SHISA9: variants seen among roughly 807,000 people sequenced by gnomAD.
SHISA9 encodes protein shisa-9.
Under a neutral mutation model 38.0 loss-of-function variants are expected in SHISA9, and 13 were observed. The ratio of observed to expected loss-of-function variants is 0.34; its 90% CI spans 0.22 to 0.54. The LOEUF (loss-of-function observed/expected upper bound fraction) is 0.54. Ranked by LOEUF, SHISA9 falls within the 20% of genes least tolerant of loss-of-function variation. The pLI, the probability that SHISA9 is intolerant of heterozygous loss-of-function variation, is 0.91. For synonymous variants in SHISA9, 275 were observed against 242.0 expected (o/e 1.14, Z -1.27); for missense variants, 538 against 575.8 (o/e 0.93, Z 0.67).
chr16:12,970,416 TACAC>T (rs59203908), intron 2 of SHISA9, among the ~76,000 whole-genome samples: 31 of 38,910 alleles, frequency 8.0e-4, no homozygotes, highest in Admixed American at 1.5e-3. Flanking sequence ...TATATATATA[TACAC>T]ATATATGTAT....
chr16:13,334,074 G>A, the SHISA9 span, among the ~76,000 whole-genome samples: 56 of 152,300 alleles, frequency 3.7e-4, no homozygotes, highest in Non-Finnish European at 6.2e-4. Flanking sequence ...TGAGAAAACT[G>A]AGGTTTGGTG....
intron 2 of SHISA9, among the ~76,000 whole-genome samples, chr16:12,946,164 T>C (rs1045689244): frequency 3.9e-5 from 6 of 152,206 alleles, no homozygotes; most frequent in African/African-American, 1.4e-4. Context: ...TGTGTGGTGT[T>C]ATTTCTGAGG....
chr16:13,492,811 T>C, the SHISA9 span, among the ~76,000 whole-genome samples: 3 of 152,208 alleles, frequency 2.0e-5, no homozygotes, highest in African/African-American at 7.2e-5. Flanking sequence ...TAAGCTGAGA[T>C]TTGAATGACA....
At chr16:13,212,889 G>A (rs1236942284) in intron 3 of SHISA9, among the ~76,000 whole-genome samples, 2 of 152,196 alleles carry the variant, frequency 1.3e-5, no homozygotes, top group Non-Finnish European at 2.9e-5. Flanking sequence ...TTGAGCCAAG[G>A]TGAGCTCATA....
intron 4 of SHISA9, among the ~76,000 whole-genome samples, chr16:13,215,722 T>C (rs1388374226): frequency 6.6e-6 from 1 of 151,942 alleles, no homozygotes; most frequent in Non-Finnish European, 1.5e-5. Context: ...TATCCTGCCT[T>C]GTCGGGGGAG....
intron 2 of SHISA9, among the ~76,000 whole-genome samples, chr16:13,160,333 A>G (rs544103622): frequency 2.0e-5 from 3 of 152,210 alleles, no homozygotes; most frequent in Non-Finnish European, 4.4e-5. Context: ...CAGATTTCCT[A>G]TAAGTCAGAC....
chr16:12,915,553 G>C (rs1205260042), intron 1 of SHISA9, among the ~76,000 whole-genome samples: 1 of 152,224 alleles, frequency 6.6e-6, no homozygotes, highest in Non-Finnish European at 1.5e-5. Flanking sequence ...ATAGTCTGCT[G>C]GTTTGCAATG....
chr16:13,144,071 GTATGGA>G (rs2050425850), intron 2 of SHISA9, among the ~76,000 whole-genome samples: 1 of 151,812 alleles, frequency 6.6e-6, no homozygotes, highest in Admixed American at 6.6e-5. Context: ...CTCATTGAAG[GTATGGA>G]TGATCAAGAA....
chr16:12,960,142 C>G (rs965556513), intron 2 of SHISA9, among the ~76,000 whole-genome samples: 1 of 152,180 alleles, frequency 6.6e-6, no homozygotes, highest in Non-Finnish European at 1.5e-5. Flanking sequence ...CAGCCTTGAA[C>G]CCTGGTTACA....
the SHISA9 span, among the ~76,000 whole-genome samples, chr16:13,463,445 G>A: frequency 6.6e-6 from 1 of 152,182 alleles, no homozygotes; most frequent in Non-Finnish European, 1.5e-5. Context: ...TGTTGTGGCT[G>A]GAGGGCTTCA....
intron 2 of SHISA9, among the ~76,000 whole-genome samples, chr16:13,112,809 G>T (rs1401907800): frequency 6.6e-6 from 1 of 152,086 alleles, no homozygotes; most frequent in African/African-American, 2.4e-5. Flanking sequence ...CTTTGTGATG[G>T]CCAAAGAATG....
At chr16:13,510,113 C>G in the SHISA9 span, among the ~76,000 whole-genome samples, 1 of 152,130 alleles carries the variant, frequency 6.6e-6, no homozygotes, top group Non-Finnish European at 1.5e-5. Context: ...CGAGACCAGG[C>G]TGGCCAACAT....
In SHISA9 at chr16:13,239,554, T is replaced by C. The variant is rs2051417841; in HGVS notation, c.*4145T>C. On this transcript the variant is annotated 3_prime_UTR_variant, in exon 5 of 5. Transcript: ENST00000558583. ...CTAACTGGCGTGAGATGGTATCTCA[T>C]TGTGGTTTTGATTTGCATTTCTCTG... 1 of 152,208 alleles carries C rather than the reference T, an allele frequency of 6.6e-6. No homozygotes were observed. Among genetic ancestry groups the C allele is most frequent in the South Asian group, 2.1e-4 (1 of 4,814 alleles). The allele number at this position is 152,208 out of a possible 1,614,324, so 9.4% of individuals were successfully genotyped here.
At chr16:13,488,289 A>G in the SHISA9 span, among the ~76,000 whole-genome samples, 1 of 152,164 alleles carries the variant, frequency 6.6e-6, no homozygotes. Context: ...ATGTCAAAGA[A>G]TGTGAAATGT....
At chr16:13,439,052 C>T in the SHISA9 span, among the ~76,000 whole-genome samples, 1 of 152,106 alleles carries the variant, frequency 6.6e-6, no homozygotes, top group Admixed American at 6.6e-5. Flanking sequence ...GTGAAATCAA[C>T]CAGACACAGG....
chr16:13,270,342 T>C, the SHISA9 span, among the ~76,000 whole-genome samples: 1 of 151,948 alleles, frequency 6.6e-6, no homozygotes, highest in African/African-American at 2.4e-5. Flanking sequence ...CCATTGCAAC[T>C]CTCCTGGGCA....
At position 13,139,523 on chromosome 16, in the gene SHISA9, G is replaced by A. The variant is rs147032147; in HGVS notation, c.692-63871G>A. On this transcript the variant is annotated intron_variant, in intron 2 of 4. Transcript: ENST00000558583. ...CCTTCATCCCTTCCTTTACTTTATC[G>A]GTAAAGTAGAACCACTCCCTTAAGG... Among the ~76,000 whole-genome samples, 705 of 147,110 alleles carry A rather than the reference G, an allele frequency of 4.8e-3. 3 individuals carry two copies. The highest frequency in any genetic ancestry group is 0.011 in the African/African-American group (453 of 39,670).
chr16:13,206,897 G>A (rs181708215), intron 3 of SHISA9, among the ~76,000 whole-genome samples: 135 of 152,336 alleles, frequency 8.9e-4, no homozygotes, highest in African/African-American at 3.2e-3. Flanking sequence ...TGTTACCTAG[G>A]AGAGCAAGAG....
intron 2 of SHISA9, among the ~76,000 whole-genome samples, chr16:13,097,037 A>G (rs530478550): frequency 1.2e-4 from 19 of 152,318 alleles, no homozygotes; most frequent in Middle Eastern, 6.8e-3. Context: ...CCCAACTAGA[A>G]GTGCAGCTCC....
Sources: allele counts gnomAD v4.1 joint callset (sites outside exome capture counted in the v4.1 genomes callset), GRCh38; gene constraint gnomAD v4.1.1; transcripts MANE v1.5; gene names NCBI Gene and HGNC (gene_info 2026-07-23, HGNC 2026-07-21).